Variants in PRKACB observed in about 807,000 individuals in gnomAD.
PRKACB encodes the protein protein kinase cAMP-activated catalytic subunit beta.
In PRKACB, 16 loss-of-function variants were observed where a neutral mutation model predicts 51.4. The ratio of observed to expected loss-of-function variants is 0.31; its 90% confidence interval spans 0.21 to 0.47. The LOEUF is 0.47. PRKACB is among the 20% of genes least tolerant of loss of function. The probability of loss-of-function intolerance (pLI) is 1.00; values close to 1 mark genes in which losing one functional copy is unlikely to be tolerated. For synonymous variants in PRKACB, 147 were observed against 154.4 expected, an observed-to-expected ratio of 0.95 and a Z score of 0.35; for missense variants, 309 against 464.5, an observed-to-expected ratio of 0.67 and a Z score of 3.08.
intron 5 of PRKACB, among the ~76,000 whole-genome samples, chr1:84,192,225 AG>A (rs1314040284): frequency 6.6e-6 from 1 of 152,116 alleles, no homozygotes; most frequent in African/African-American, 2.4e-5. Flanking sequence ...AATTATAGGT[AG>A]AGTAGTTTGA....
chr1:84,159,248 AT>A (rs1369612518), intron 1 of PRKACB, among the ~76,000 whole-genome samples: 2 of 152,126 alleles, frequency 1.3e-5, no homozygotes, highest in African/African-American at 4.8e-5. Flanking sequence ...TATTTTAACA[AT>A]TTTGAGTCTT....
chr1:84,106,031 G>T (rs950028004), intron 1 of PRKACB, among the ~76,000 whole-genome samples: 3 of 151,892 alleles, frequency 2.0e-5, no homozygotes, highest in African/African-American at 7.3e-5. Context: ...CAGTATAATA[G>T]GTATTATAAG....
intron 1 of PRKACB, among the ~76,000 whole-genome samples, chr1:84,148,094 T>C (rs1374328617): frequency 1.3e-5 from 2 of 152,190 alleles, no homozygotes; most frequent in East Asian, 3.8e-4. Flanking sequence ...GCTTTTGACG[T>C]GACAGTCAGC....
At chr1:84,095,967 T>G (rs1648894850) in intron 1 of PRKACB, among the ~76,000 whole-genome samples, 1 of 152,080 alleles carries the variant, frequency 6.6e-6, no homozygotes. Flanking sequence ...TGTTCTCTTA[T>G]TTTTGGTTAT....
intron 1 of PRKACB, among the ~76,000 whole-genome samples, chr1:84,099,293 A>T (rs1281636646): frequency 6.6e-6 from 1 of 152,130 alleles, no homozygotes; most frequent in Non-Finnish European, 1.5e-5. Flanking sequence ...ATTTTCAGGT[A>T]AAAGGATAAT....
chr1:84,139,777 G>T (rs1653200295), upstream of PRKACB, among the ~76,000 whole-genome samples: 1 of 152,190 alleles, frequency 6.6e-6, no homozygotes, highest in Non-Finnish European at 1.5e-5. Context: ...AAGGAAAAAG[G>T]GCCGGGCACT....
chr1:84,145,413 G>A (rs918664283), intron 1 of PRKACB, among the ~76,000 whole-genome samples: 6 of 152,034 alleles, frequency 3.9e-5, no homozygotes, highest in Non-Finnish European at 8.8e-5. Flanking sequence ...TAGCACTAGC[G>A]TTTGACTCTT....
chr1:84,079,032 G>A (rs1273703292), intron 1 of PRKACB, among the ~76,000 whole-genome samples: 2 of 152,198 alleles, frequency 1.3e-5, no homozygotes, highest in African/African-American at 4.8e-5. Context: ...ATTCGGAGTT[G>A]AAGTGCTTCC....
chr1:84,136,704 T>C, intron 1 of PRKACB, among the ~76,000 whole-genome samples: 1 of 152,152 alleles, frequency 6.6e-6, no homozygotes. Context: ...TTAAAAACAA[T>C]ATCCACACAA....
intron 1 of PRKACB, among the ~76,000 whole-genome samples, chr1:84,137,961 T>C (rs1241315403): frequency 2.0e-5 from 3 of 152,272 alleles, no homozygotes; most frequent in Admixed American, 6.5e-5. Flanking sequence ...GAAATACTTA[T>C]CGATAAGGGA....
At chr1:84,222,266 A>G (rs1673847423) in intron 9 of PRKACB, among the ~76,000 whole-genome samples, 1 of 151,954 alleles carries the variant, frequency 6.6e-6, no homozygotes, top group South Asian at 2.1e-4. Context: ...TTCCATTTGT[A>G]TGAAATCTTT....
chr1:84,146,486 C>A (rs1654093429), intron 1 of PRKACB, among the ~76,000 whole-genome samples: 1 of 151,870 alleles, frequency 6.6e-6, no homozygotes, highest in Admixed American at 6.6e-5. Context: ...GGTGAAAACA[C>A]AATTTTTATT....
chr1:84,181,748 T>C, intron 2 of PRKACB: 1 of 1,462,826 alleles, frequency 6.8e-7, no homozygotes, highest in Non-Finnish European at 9.1e-7. Flanking sequence ...GTGAAAGAGC[T>C]CTGATCCCTC....
intron 1 of PRKACB, among the ~76,000 whole-genome samples, chr1:84,102,496 A>C (rs1460856595): frequency 6.6e-6 from 1 of 152,218 alleles, no homozygotes; most frequent in South Asian, 2.1e-4. Flanking sequence ...GACTTGTCCC[A>C]TAGCAGTCTT....
chr1:84,108,038 G>A (rs1453251750), intron 1 of PRKACB, among the ~76,000 whole-genome samples: 2 of 152,082 alleles, frequency 1.3e-5, no homozygotes, highest in African/African-American at 4.8e-5. Context: ...TTTATTCATT[G>A]CAGCACTATT....
At chr1:84,082,641 C>T (rs1273164817) in intron 1 of PRKACB, among the ~76,000 whole-genome samples, 2 of 151,992 alleles carry the variant, frequency 1.3e-5, no homozygotes, top group African/African-American at 2.4e-5. Context: ...TAGCGCTGTC[C>T]AGTCAAACAT....
At chr1:84,158,582 A>G (rs1452537992) in intron 1 of PRKACB, among the ~76,000 whole-genome samples, 1 of 152,114 alleles carries the variant, frequency 6.6e-6, no homozygotes, top group Admixed American at 6.6e-5. Flanking sequence ...TTCTTTTCCA[A>G]AAATATAAAT....
At chr1:84,095,641 C>T (rs993795852) in intron 1 of PRKACB, among the ~76,000 whole-genome samples, 3 of 151,780 alleles carry the variant, frequency 2.0e-5, no homozygotes, top group Non-Finnish European at 4.4e-5. Flanking sequence ...TTTCTGTTTG[C>T]AACTTTTTAG....
chr1:84,099,419 T>C (rs1272833831), intron 1 of PRKACB, among the ~76,000 whole-genome samples: 3 of 152,102 alleles, frequency 2.0e-5, no homozygotes, highest in Non-Finnish European at 4.4e-5. Context: ...AAATATGTAT[T>C]TATTTTTGAA....
Sources: allele counts gnomAD v4.1 joint callset (sites outside exome capture counted in the v4.1 genomes callset), GRCh38; gene constraint gnomAD v4.1.1; transcripts MANE v1.5; gene names NCBI Gene and HGNC (gene_info 2026-07-23, HGNC 2026-07-21).